The following NME7 variants were observed in gnomAD, a reference collection of about 807,000 sequenced individuals.
NME7 encodes nucleoside diphosphate kinase 7.
NME7 carries 41 observed loss-of-function variants against 49.1 expected under a neutral mutation model. The observed-to-expected ratio is 0.83, with a 90% confidence interval of 0.65 to 1.08. NME7 has a LOEUF of 1.08. NME7 is among the 50% of genes least tolerant of loss of function. The probability of loss-of-function intolerance (pLI) is 0.00; values close to 1 mark genes in which losing one functional copy is unlikely to be tolerated. For synonymous variants in NME7, 139 were observed against 150.6 expected (o/e 0.92, Z 0.56); for missense variants, 423 against 463.4 (o/e 0.91, Z 0.80).
chr1:169,281,243 T>A (rs1277567738), intron 7 of NME7, among the ~76,000 whole-genome samples: 7 of 152,194 alleles, frequency 4.6e-5, no homozygotes, highest in African/African-American at 1.7e-4. Context: ...TGATGCACAA[T>A]TTGGCTCTCT....
At position 169,260,090 on chromosome 1, in the gene NME7, T is replaced by C. The variant is rs543637495; in HGVS notation, c.755-22403A>G. On this transcript the variant is annotated intron_variant, in intron 7 of 11. Transcript: ENST00000367811. ...CGTATGCTAAGTGTTAAAAGAGACA[T>C]AGTAGATGTAAGTTGGTGATAGGTT... Among the ~76,000 whole-genome samples the C allele has an allele frequency of 3.0e-5, 4 of 133,710 alleles. 1 individual carries two copies. In the South Asian group the frequency reaches 6.9e-4, roughly 23 times the overall value. The allele number at this position is 133,710 out of a possible 152,430, so 87.7% of individuals were successfully genotyped here.
chr1:169,145,790 T>C (rs1169979660), intron 11 of NME7, among the ~76,000 whole-genome samples: 2 of 152,182 alleles, frequency 1.3e-5, no homozygotes, highest in Non-Finnish European at 2.9e-5. Flanking sequence ...AAAATCGAAT[T>C]GTTATAACCC....
intron 3 of NME7, among the ~76,000 whole-genome samples, chr1:169,318,007 TG>T (rs1651716516): frequency 6.6e-6 from 1 of 152,188 alleles, no homozygotes; most frequent in African/African-American, 2.4e-5. Context: ...TGCTTTCACA[TG>T]TTAAGCACAT....
intron 9 of NME7, among the ~76,000 whole-genome samples, chr1:169,233,083 T>G (rs895129058): frequency 1.0e-4 from 15 of 148,786 alleles, no homozygotes; most frequent in African/African-American, 3.7e-4. Flanking sequence ...CACATCTAGC[T>G]AATTTTTGTA....
intron 10 of NME7, among the ~76,000 whole-genome samples, chr1:169,228,263 T>A (rs1469819061): frequency 2.0e-5 from 3 of 152,182 alleles, no homozygotes; most frequent in Non-Finnish European, 4.4e-5. Context: ...ATTTATTGAA[T>A]AAATGAGAGA....
chr1:169,199,589 G>A (rs903165346), intron 10 of NME7, among the ~76,000 whole-genome samples: 2 of 151,514 alleles, frequency 1.3e-5, no homozygotes, highest in Admixed American at 6.6e-5. Context: ...AAGTAGCTGA[G>A]TCTAAAGTGT....
intron 7 of NME7, among the ~76,000 whole-genome samples, chr1:169,268,610 C>CA (rs1215382321): frequency 1.5e-5 from 2 of 132,080 alleles, no homozygotes; most frequent in South Asian, 2.3e-4. Flanking sequence ...CAGCCATTAA[C>CA]AAAAAAAATG....
Position 169,298,774 on chromosome 1 carries a change from G to C in NME7, c.441-11C>G, listed in dbSNP as rs1234284108. 5 of 1,607,292 alleles carry C rather than the reference G, an allele frequency of 3.1e-6. No homozygotes were observed. Among genetic ancestry groups the C allele is most frequent in the Non-Finnish European group, 4.3e-6 (5 of 1,175,462 alleles). On this transcript the variant is annotated splice_polypyrimidine_tract_variant and intron_variant, in intron 5 of 11. Transcript: ENST00000367811. ...AACTGGATCAGCTCACTACAAAACA[G>C]ATAGAAGATTAGTTTGCTTCTTTTT...
At chr1:169,134,753 TA>T (rs1658374804) in intron 11 of NME7, among the ~76,000 whole-genome samples, 1 of 152,074 alleles carries the variant, frequency 6.6e-6, no homozygotes, top group Non-Finnish European at 1.5e-5. Flanking sequence ...TTTATAGCAG[TA>T]AAATAAATTT....
At chr1:169,171,563 G>C (rs1461748210) in intron 10 of NME7, among the ~76,000 whole-genome samples, 1 of 152,100 alleles carries the variant, frequency 6.6e-6, no homozygotes, top group African/African-American at 2.4e-5. Flanking sequence ...AGGAGTTAGA[G>C]ACCAGCCTGA....
chr1:169,280,108 A>T (rs904703135), intron 7 of NME7, among the ~76,000 whole-genome samples: 11 of 152,196 alleles, frequency 7.2e-5, no homozygotes, highest in Non-Finnish European at 1.0e-4. Context: ...ATTTTTCCAC[A>T]ACCTCTCCAG....
chr1:169,198,320 A>G (rs1288203446), intron 10 of NME7, among the ~76,000 whole-genome samples: 1 of 152,104 alleles, frequency 6.6e-6, no homozygotes, highest in East Asian at 1.9e-4. Flanking sequence ...AAATGATTAA[A>G]CACAGTTACC....
intron 10 of NME7, among the ~76,000 whole-genome samples, chr1:169,227,828 C>T (rs894637364): frequency 7.2e-5 from 11 of 152,158 alleles, no homozygotes; most frequent in Admixed American, 6.6e-4. Context: ...CTGTGTCACA[C>T]ATTCCCAGGC....
chr1:169,295,576 T>C (rs1056849357), intron 6 of NME7, among the ~76,000 whole-genome samples: 5 of 152,210 alleles, frequency 3.3e-5, no homozygotes, highest in African/African-American at 1.2e-4. Flanking sequence ...ATTGCTCTCT[T>C]GCATGTATCT....
intron 1 of NME7, among the ~76,000 whole-genome samples, chr1:169,336,272 A>T (rs921693291): frequency 9.9e-5 from 15 of 152,118 alleles, no homozygotes; most frequent in Non-Finnish European, 2.1e-4. Flanking sequence ...GGACCCAAAG[A>T]GTGAGCAGTA....
intron 7 of NME7, among the ~76,000 whole-genome samples, chr1:169,249,675 G>C (rs1648478700): frequency 6.6e-6 from 1 of 151,830 alleles, no homozygotes; most frequent in Admixed American, 6.6e-5. Flanking sequence ...TGTTTGTTGA[G>C]TTTTTTTATA....
intron 1 of NME7, among the ~76,000 whole-genome samples, chr1:169,339,854 G>A (rs973882280): frequency 3.9e-5 from 6 of 152,206 alleles, no homozygotes; most frequent in African/African-American, 1.4e-4. Flanking sequence ...GAGAGGCCAA[G>A]ATATTTATTC....
At chr1:169,186,792 C>T (rs1047982898) in intron 10 of NME7, among the ~76,000 whole-genome samples, 2 of 152,014 alleles carry the variant, frequency 1.3e-5, no homozygotes, top group African/African-American at 4.8e-5. Flanking sequence ...TTCTTGTCTT[C>T]TGCTAGCTTT....
chr1:169,158,645 T>C (rs1659152542), intron 11 of NME7, among the ~76,000 whole-genome samples: 1 of 152,118 alleles, frequency 6.6e-6, no homozygotes, highest in Admixed American at 6.6e-5. Flanking sequence ...ATGCATGCCA[T>C]TGATTGGGAA....
Sources: gnomAD v4.1 joint callset for allele counts (sites outside exome capture counted in the v4.1 genomes callset) on GRCh38, gnomAD v4.1.1 for gene constraint, MANE v1.5 for transcripts, NCBI Gene and HGNC (gene_info 2026-07-23, HGNC 2026-07-21) for gene names.